Variants in FBN2 observed in about 807,000 individuals in gnomAD.
The protein encoded by FBN2 is fibrillin 2, also known as fibrillin-2.
Under a neutral mutation model 355.6 loss-of-function variants are expected in FBN2, and 105 were observed. That is an observed-to-expected ratio of 0.30 (90% CI 0.25 to 0.35). The LOEUF is 0.35. Ranked by LOEUF, FBN2 falls within the 10% of genes least tolerant of loss-of-function variation. The pLI is 1.00. For synonymous variants in FBN2, 1,350 were observed against 1,301.2 expected (o/e 1.04, Z -0.81); for missense variants, 3,280 against 3,758.7 (o/e 0.87, Z 3.33).
chr5:128,464,437 TA>T (rs561213184), intron 6 of FBN2, among the ~76,000 whole-genome samples: 38 of 152,314 alleles, frequency 2.5e-4, no homozygotes, highest in Admixed American at 2.2e-3. Flanking sequence ...GCCATCTAGA[TA>T]AAAATAGAGT....
Position 128,345,536 on chromosome 5 carries a change from A to T in FBN2, c.3038T>A (p.Ile1013Asn), listed in dbSNP as rs1467215097. The T allele has an allele frequency of 6.2e-6, 10 of 1,614,154 alleles. No homozygotes were observed. The South Asian group carries it at 1.1e-4, about 18-fold the overall frequency. ...CYLKWDEDEC[I>N]HPVPGKFRMD... is the part of the protein sequence containing the mutation. ...GCGGAACTTTCCAGGAACGGGGTGG[A>T]TGCATTCATCTTCATCCCACTTCAA... Residue 1013 changes from isoleucine (I) to asparagine (N), a missense_variant, in exon 24 of 65, where the codon ATC becomes AAC. Physicochemically the swap from Ile to Asn is moderately radical, Grantham distance 149. Around this residue, in one of 6 missense-constraint regions of FBN2, gnomAD observed 2,284 missense variants for 2,749.5 expected, o/e 0.83. Transcript: ENST00000262464.
intron 34 of FBN2, among the ~76,000 whole-genome samples, chr5:128,326,756 C>T (rs1335159377): frequency 6.6e-6 from 1 of 152,050 alleles, no homozygotes; most frequent in Non-Finnish European, 1.5e-5. Context: ...AGCAGAGGGT[C>T]CAACTGAGGG....
intron 34 of FBN2, among the ~76,000 whole-genome samples, chr5:128,324,958 A>G (rs1370851401): frequency 2.6e-5 from 4 of 152,174 alleles, no homozygotes; most frequent in Middle Eastern, 3.4e-3. Context: ...ATTTGGTTGC[A>G]CTGTGGTCGG....
chr5:128,293,213 T>C (rs1207353004), intron 48 of FBN2, among the ~76,000 whole-genome samples: 1 of 152,148 alleles, frequency 6.6e-6, no homozygotes, highest in Non-Finnish European at 1.5e-5. Flanking sequence ...AATCTTACAG[T>C]GAAGTAAGTT....
rs1173320036 is a variant in FBN2, at chr5:128,442,391, T to C, written c.952+4090A>G. The C allele has an allele frequency of 8.8e-6, 4 of 456,054 alleles. No individual in the cohort carries two copies. The Admixed American group carries it at 9.4e-5, about 11-fold the overall frequency. The allele number at this position is 456,054 out of a possible 1,614,324, so 28.3% of individuals were successfully genotyped here. On this transcript the variant is annotated intron_variant, in intron 7 of 64. Coordinates refer to ENST00000262464, the MANE Select transcript of FBN2 (RefSeq NM_001999.4). ...ACATGGACTGAAATTCAAACGAAAA[T>C]ACTTTATTGTACAAAAGAAAAACGC...
chr5:128,312,733 T>C lies in FBN2; in HGVS notation c.4780A>G (p.Asn1594Asp). 11 of 1,613,950 alleles carry C rather than the reference T, an allele frequency of 6.8e-6. No homozygotes were observed. The highest frequency in any genetic ancestry group is 9.3e-6 in the Non-Finnish European group (11 of 1,179,988). Reference protein sequence around the residue: ...GPRGDGSLSCNTEIGVGVSRS... With the variant: ...GPRGDGSLSCDTEIGVGVSRS... ...CTGACGCCCACCCCGATCTCGGTGT[T>C]GCAAGACAGACTCCCATCTCCTCGA... Residue 1594 changes from asparagine (N) to aspartate (D), a missense_variant, in exon 37 of 65, where the codon AAC becomes GAC. Transcript: ENST00000262464.
intron 6 of FBN2, among the ~76,000 whole-genome samples, chr5:128,456,019 A>AAAAAAC (rs1754382095): frequency 1.4e-5 from 2 of 147,440 alleles, no homozygotes; most frequent in Non-Finnish European, 3.0e-5. Context: ...AAAAAAAAAA[A>AAAAAAC]AAAAGCAACT....
Position 128,338,978 on chromosome 5 carries a change from A to T in FBN2, c.3427T>A (p.Phe1143Ile). Residue 1143 changes from phenylalanine to isoleucine, a missense_variant, in exon 26 of 65, where the codon TTC (phenylalanine) becomes ATC (isoleucine). Phe to Ile is a conservative substitution (Grantham distance 21, BLOSUM62 0). This residue lies in a region of FBN2 where 2,284 missense variants were observed against 2,749.5 expected (regional missense o/e 0.83). Transcript: ENST00000262464. ...NTPGSFECEC[F>I]EGYESGFMMM... is the part of the protein sequence containing the mutation. ...ATGAAGCCACTTTCATAGCCTTCGA[A>T]GCACTCGCACTCAAAGCTGCCCGGT... 6.2e-7 allele frequency: 1 copy of T among 1,614,084 alleles called. No individual in the cohort carries two copies. The highest frequency in any genetic ancestry group is 1.1e-5 in the South Asian group (1 of 91,080).
intron 9 of FBN2, among the ~76,000 whole-genome samples, chr5:128,394,252 T>G (rs1001973308): frequency 6.6e-6 from 1 of 152,192 alleles, no homozygotes; most frequent in Non-Finnish European, 1.5e-5. Context: ...TTGAATATAT[T>G]AATATATCTT....
chr5:128,431,874 G>A (rs148663384), intron 7 of FBN2, among the ~76,000 whole-genome samples: 6 of 152,300 alleles, frequency 3.9e-5, no homozygotes, highest in African/African-American at 4.8e-5. Flanking sequence ...AGCACAAGAT[G>A]TTATTACCTT....
chr5:128,378,109 C>T (rs745524132), intron 12 of FBN2, among the ~76,000 whole-genome samples: 6 of 149,362 alleles, frequency 4.0e-5, no homozygotes, highest in Non-Finnish European at 5.9e-5. Context: ...TCCAGTAAAC[C>T]TAAGAAAGGG....
At chr5:128,430,340 G>GT (rs1308762316) in intron 7 of FBN2, among the ~76,000 whole-genome samples, 8 of 151,056 alleles carry the variant, frequency 5.3e-5, no homozygotes, top group African/African-American at 1.9e-4. Context: ...TTGTATTATT[G>GT]TACATTTATT....
At position 128,306,369 on chromosome 5, in the gene FBN2, C is replaced by T. The variant is rs1439900106; in HGVS notation, c.5423-421G>A. Among the ~76,000 whole-genome samples, 3 of 152,104 alleles carry T rather than the reference C, an allele frequency of 2.0e-5. No individual in the cohort carries two copies. The East Asian group carries it at 5.8e-4, about 29-fold the overall frequency. ...GTGTGGTGGCTCACGCCTGTAATCC[C>T]AGCACTTTGGGAGGCTGAGGAGGGT... On this transcript the variant is annotated intron_variant, in intron 42 of 64. Coordinates refer to ENST00000262464, the MANE Select transcript of FBN2 (RefSeq NM_001999.4).
intron 34 of FBN2, chr5:128,328,447 TTAAAAAA>T (rs1481356913): frequency 2.1e-5 from 13 of 609,426 alleles, no homozygotes; most frequent in Non-Finnish European, 3.8e-5. Flanking sequence ...GAAGAAATGG[TTAAAAAA>T]GAAAAAAGAA....
chr5:128,278,411 T>C (rs1350322451), intron 57 of FBN2, among the ~76,000 whole-genome samples: 1 of 152,180 alleles, frequency 6.6e-6, no homozygotes, highest in African/African-American at 2.4e-5. Context: ...ATTCTACCCC[T>C]TAGGTCTGAT....
rs144638871 is a variant in FBN2 at position 128,414,203 on chromosome 5, T to C, written c.953-5404A>G. 6.4e-3 allele frequency among the ~76,000 whole-genome samples: 978 copies of C among 152,236 alleles called. 11 individuals are homozygous for C. The highest frequency in any genetic ancestry group is 0.022 in the African/African-American group (917 of 41,558). ...AAATGATTTTAGTGTAGTCACAAGG[T>C]TGTGCAGCCATAACTACAACCTGAT... is the stretch of plus-strand genomic sequence containing the variant. On this transcript the variant is annotated intron_variant, in intron 7 of 64. Coordinates refer to ENST00000262464, the MANE Select transcript of FBN2 (RefSeq NM_001999.4).
At chr5:128,432,982 A>G (rs181571090) in intron 7 of FBN2, among the ~76,000 whole-genome samples, 1 of 152,122 alleles carries the variant, frequency 6.6e-6, no homozygotes, top group South Asian at 2.1e-4. Flanking sequence ...AAATCACCAG[A>G]TCTCATGAGA....
rs532525622 is a variant in FBN2, at chr5:128,290,668, C to T, written c.6445+64G>A. The T allele has an allele frequency of 4.0e-6, 6 of 1,495,582 alleles. No homozygotes were observed. In the Admixed American group the frequency reaches 6.7e-5, roughly 17 times the overall value. 92.6% of individuals were successfully genotyped at this position (1,495,582 alleles called of 1,614,324 possible). ...ATATTCTTAAATTACATGGTTAAAC[C>T]CACTCTGGCAAACATTCAAAAACTG... On this transcript the variant is annotated intron_variant, in intron 50 of 64. Transcript: ENST00000262464.
In FBN2 at chr5:128,311,943, G is replaced by A. The variant is rs1488160637; in HGVS notation, c.4890C>T (p.Tyr1630=). 4 of 1,609,756 alleles carry A rather than the reference G, an allele frequency of 2.5e-6. No homozygotes were observed. Among genetic ancestry groups the A allele is most frequent in the Admixed American group, 3.3e-5 (2 of 59,998 alleles). The part of the protein sequence containing the change: ...TCPPVNSTEY[Y]TLCPGGEGFR... ...AGCCTTCACCTCCGGGACACAGGGT[G>A]TAATATTCAGCTACAAAACAATAGA... The change falls in exon 38 of 65, where the codon TAC becomes TAT. Residue 1630 remains tyrosine, a synonymous_variant. Coordinates refer to ENST00000262464, the MANE Select transcript of FBN2 (RefSeq NM_001999.4).
Sources: allele counts gnomAD v4.1 joint callset (sites outside exome capture counted in the v4.1 genomes callset), GRCh38; gene constraint gnomAD v4.1.1; regional missense constraint gnomAD v4.1.1; transcripts MANE v1.5; gene names NCBI Gene and HGNC (gene_info 2026-07-23, HGNC 2026-07-21).